FGF14: variants seen among roughly 807,000 people sequenced by gnomAD.
FGF14 encodes the protein fibroblast growth factor 14.
Under a neutral mutation model 25.5 loss-of-function variants are expected in FGF14, and 5 were observed. That is an observed-to-expected ratio of 0.20 (90% CI 0.10 to 0.41). The LOEUF is 0.41. Ranked by LOEUF, FGF14 falls within the 10% of genes least tolerant of loss-of-function variation. The pLI is 1.00. For missense variants in FGF14, 222 were observed against 320.1 expected, an observed-to-expected ratio of 0.69 and a Z score of 2.34; for synonymous variants, 138 against 118.3, an observed-to-expected ratio of 1.17 and a Z score of -1.08.
At chr13:101,723,305 G>GCATT (rs1323919469) in intron 4 of FGF14, among the ~76,000 whole-genome samples, 1 of 151,506 alleles carries the variant, frequency 6.6e-6, no homozygotes, top group Non-Finnish European at 1.5e-5. Context: ...AGAATGACAG[G>GCATT]CATTTAACTT....
At chr13:102,087,081 A>C (rs1286467014) in intron 1 of FGF14, among the ~76,000 whole-genome samples, 1 of 152,246 alleles carries the variant, frequency 6.6e-6, no homozygotes, top group Non-Finnish European at 1.5e-5. Flanking sequence ...AGAGGAACAC[A>C]GAGATCCAAA....
At chr13:102,008,029 T>C (rs1339114229) in intron 1 of FGF14, among the ~76,000 whole-genome samples, 1 of 152,180 alleles carries the variant, frequency 6.6e-6, no homozygotes. Flanking sequence ...CAGGTGAGAA[T>C]GAATCATCCT....
chr13:102,103,163 A>C (rs535860830), intron 1 of FGF14, among the ~76,000 whole-genome samples: 1 of 152,304 alleles, frequency 6.6e-6, no homozygotes, highest in South Asian at 2.1e-4. Context: ...TTCCTGATTA[A>C]ACTCTGTAGA....
intron 1 of FGF14, among the ~76,000 whole-genome samples, chr13:102,276,351 GTGTATA>G (rs1411057922): frequency 0.095 from 3,928 of 41,520 alleles, 202 homozygotes; most frequent in African/African-American, 0.24. Flanking sequence ...GTGTGTGTGT[GTGTATA>G]TATATATATA....
At chr13:102,205,717 C>T (rs2049875850) in intron 1 of FGF14, among the ~76,000 whole-genome samples, 1 of 149,024 alleles carries the variant, frequency 6.7e-6, no homozygotes, top group Non-Finnish European at 1.5e-5. Context: ...GCCATCTCTC[C>T]CCCGAGAAAG....
rs375747735 is a variant in FGF14 at position 101,717,836 on chromosome 13, A to G, written c.*4995T>C. 14 of 152,124 alleles carry G rather than the reference A, an allele frequency of 9.2e-5. No homozygotes were observed. The highest frequency in any genetic ancestry group is 2.7e-4 in the African/African-American group (11 of 41,434). The allele number at this position is 152,124 out of a possible 1,614,324, so 9.4% of individuals were successfully genotyped here. On this transcript the variant is annotated 3_prime_UTR_variant, in exon 5 of 5. Coordinates refer to ENST00000376143, the MANE Select transcript of FGF14 (RefSeq NM_004115.4). ...TGCCCTTGATTCTCTATAGCTCATC[A>G]CAAAACCTCAGGTATGTCTTATTTT...
chr13:101,885,571 A>T (rs2045946332), intron 1 of FGF14, among the ~76,000 whole-genome samples: 1 of 152,200 alleles, frequency 6.6e-6, no homozygotes, highest in South Asian at 2.1e-4. Flanking sequence ...CGAATGGCAT[A>T]GGTAGCCACT....
At chr13:101,748,667 T>C (rs2037056661) in intron 3 of FGF14, among the ~76,000 whole-genome samples, 1 of 146,532 alleles carries the variant, frequency 6.8e-6, no homozygotes, top group Admixed American at 7.1e-5. Context: ...GTCAAGTATG[T>C]GGAGAAATTG....
chr13:101,996,180 T>C (rs896887469), intron 1 of FGF14, among the ~76,000 whole-genome samples: 1 of 152,276 alleles, frequency 6.6e-6, no homozygotes, highest in Admixed American at 6.5e-5. Flanking sequence ...AAATCTTATA[T>C]TAAAACAAGA....
At chr13:101,911,812 G>T (rs573378596) in intron 1 of FGF14, among the ~76,000 whole-genome samples, 3 of 152,088 alleles carry the variant, frequency 2.0e-5, no homozygotes, top group African/African-American at 7.2e-5. Context: ...GTATTAATAT[G>T]TAGTAAGACT....
intron 1 of FGF14, among the ~76,000 whole-genome samples, chr13:102,189,530 G>T (rs181107474): frequency 7.1e-4 from 108 of 152,246 alleles, no homozygotes; most frequent in African/African-American, 2.3e-3. Flanking sequence ...ACATTTAGGA[G>T]CACCTTTAAG....
chr13:102,186,360 T>G (rs1381955518), intron 1 of FGF14, among the ~76,000 whole-genome samples: 1 of 152,180 alleles, frequency 6.6e-6, no homozygotes, highest in Non-Finnish European at 1.5e-5. Flanking sequence ...AAGATCTCAC[T>G]GACTGCCAAT....
chr13:102,043,707 A>T (rs982352813), intron 1 of FGF14, among the ~76,000 whole-genome samples: 1 of 152,206 alleles, frequency 6.6e-6, no homozygotes, highest in Non-Finnish European at 1.5e-5. Flanking sequence ...AAGAAACATG[A>T]AACTAGATTA....
intron 1 of FGF14, among the ~76,000 whole-genome samples, chr13:101,891,137 T>C (rs2138889748): frequency 6.6e-6 from 1 of 152,336 alleles, no homozygotes; most frequent in East Asian, 1.9e-4. Flanking sequence ...ACATCTTTTG[T>C]GAAACTGGCA....
chr13:102,164,407 T>G (rs2047910053), intron 1 of FGF14, among the ~76,000 whole-genome samples: 1 of 152,142 alleles, frequency 6.6e-6, no homozygotes, highest in African/African-American at 2.4e-5. Flanking sequence ...TTAGAGACCT[T>G]GCGACCATGC....
At chr13:101,880,135 C>A (rs1328500265) in intron 1 of FGF14, among the ~76,000 whole-genome samples, 2 of 152,162 alleles carry the variant, frequency 1.3e-5, no homozygotes, top group African/African-American at 4.8e-5. Flanking sequence ...AGAGTGATTA[C>A]CCAACTCACG....
intron 1 of FGF14, among the ~76,000 whole-genome samples, chr13:101,892,385 G>A (rs1485090585): frequency 6.6e-6 from 1 of 152,066 alleles, no homozygotes; most frequent in African/African-American, 2.4e-5. Context: ...TATTATTTGG[G>A]CATCAGAAAG....
chr13:102,120,068 C>T (rs2045647781), intron 1 of FGF14, among the ~76,000 whole-genome samples: 1 of 152,152 alleles, frequency 6.6e-6, no homozygotes, highest in Non-Finnish European at 1.5e-5. Flanking sequence ...CTTGATGCCT[C>T]GTTGAGCCCC....
intron 1 of FGF14, among the ~76,000 whole-genome samples, chr13:102,039,633 C>T (rs894303905): frequency 6.6e-6 from 1 of 152,136 alleles, no homozygotes; most frequent in African/African-American, 2.4e-5. Flanking sequence ...ATAAAGATAA[C>T]AGTCATATTG....
Sources: gnomAD v4.1 joint callset for allele counts (sites outside exome capture counted in the v4.1 genomes callset) on GRCh38, gnomAD v4.1.1 for gene constraint, MANE v1.5 for transcripts, NCBI Gene and HGNC (gene_info 2026-07-23, HGNC 2026-07-21) for gene names.